Variants in KIAA0319L observed in about 807,000 individuals in gnomAD.
KIAA0319L encodes dyslexia-associated protein KIAA0319-like protein.
Under a neutral mutation model 120.1 loss-of-function variants are expected in KIAA0319L, and 55 were observed. That is an observed-to-expected ratio of 0.46 (90% CI 0.37 to 0.57). The LOEUF is 0.57. KIAA0319L is among the 20% of genes least tolerant of loss of function. The pLI, the probability that KIAA0319L is intolerant of heterozygous loss-of-function variation, is 0.00. For synonymous variants in KIAA0319L, 398 were observed against 471.9 expected, an observed-to-expected ratio of 0.84 and a Z score of 2.03; for missense variants, 1,049 against 1,255.3, an observed-to-expected ratio of 0.84 and a Z score of 2.48.
At chr1:35,534,137 C>T (rs1241217168) in intron 2 of KIAA0319L, among the ~76,000 whole-genome samples, 1 of 152,168 alleles carries the variant, frequency 6.6e-6, no homozygotes, top group Non-Finnish European at 1.5e-5. Context: ...ACAAAGCAGT[C>T]CTTTGAAAAT....
chr1:35,526,408 T>C (rs201394197), intron 2 of KIAA0319L, among the ~76,000 whole-genome samples: 90 of 136,802 alleles, frequency 6.6e-4, no homozygotes, highest in South Asian at 2.9e-3. Flanking sequence ...TATATATATA[T>C]ATACACACAT....
chr1:35,463,953 TG>T (rs1232979837), intron 7 of KIAA0319L, among the ~76,000 whole-genome samples: 1 of 152,178 alleles, frequency 6.6e-6, no homozygotes, highest in African/African-American at 2.4e-5. Context: ...CTGCCATCCA[TG>T]TAAGACATGA....
In KIAA0319L at chr1:35,480,230, G is replaced by A. The variant is rs200132203; in HGVS notation, c.667-1018C>T. Among the ~76,000 whole-genome samples the A allele has an allele frequency of 5.3e-5, 8 of 152,228 alleles. No individual in the cohort carries two copies. In the East Asian group the frequency reaches 1.4e-3, roughly 26 times the overall value. Reference sequence around the variant, plus strand: ...AAAGTGAGAGGCAAAAGTAATAGAAGATGAGCTGGAAAGATAGAGGCAAAG... The same window carrying A: ...AAAGTGAGAGGCAAAAGTAATAGAAAATGAGCTGGAAAGATAGAGGCAAAG... On this transcript the variant is annotated intron_variant, in intron 3 of 20. Transcript: ENST00000325722.
chr1:35,469,057 C>T (rs1643453732), intron 6 of KIAA0319L, among the ~76,000 whole-genome samples: 1 of 152,184 alleles, frequency 6.6e-6, no homozygotes. Context: ...GAGACACAGT[C>T]TCACTTTGTT....
At chr1:35,557,506 C>A (rs995432200), upstream of KIAA0319L, 6 of 361,956 alleles carry the variant, frequency 1.7e-5, no homozygotes, top group Non-Finnish European at 3.3e-5. Context: ...GGCCGCGAGA[C>A]CAAGGGGGAG....
At chr1:35,538,890 C>A (rs1410499802) in intron 2 of KIAA0319L, among the ~76,000 whole-genome samples, 1 of 151,690 alleles carries the variant, frequency 6.6e-6, no homozygotes, top group African/African-American at 2.4e-5. Flanking sequence ...AAAATATGGG[C>A]AAATTGGTCA....
At chr1:35,493,342 C>T (rs1342968999) in intron 3 of KIAA0319L, among the ~76,000 whole-genome samples, 1 of 151,844 alleles carries the variant, frequency 6.6e-6, no homozygotes, top group Non-Finnish European at 1.5e-5. Flanking sequence ...TGTACGTACC[C>T]ACTAAACATT....
At chr1:35,473,652 G>T (rs1002852101) in intron 5 of KIAA0319L, among the ~76,000 whole-genome samples, 6 of 152,196 alleles carry the variant, frequency 3.9e-5, no homozygotes, top group East Asian at 3.8e-4. Flanking sequence ...AATGTGAAAT[G>T]AATTGATAAG....
chr1:35,523,014 TAA>T (rs58518920), intron 2 of KIAA0319L, among the ~76,000 whole-genome samples: 61 of 62,468 alleles, frequency 9.8e-4, no homozygotes, highest in Admixed American at 1.1e-3. Flanking sequence ...AAACTCCACA[TAA>T]AAAAAAAAAA....
intron 3 of KIAA0319L, among the ~76,000 whole-genome samples, chr1:35,488,395 T>A (rs1644464956): frequency 6.6e-6 from 1 of 152,168 alleles, no homozygotes; most frequent in African/African-American, 2.4e-5. Flanking sequence ...ATGACACCCA[T>A]GTTTCTAGCC....
chr1:35,496,320 T>C (rs999935056), intron 3 of KIAA0319L, among the ~76,000 whole-genome samples: 2 of 152,158 alleles, frequency 1.3e-5, no homozygotes, highest in African/African-American at 4.8e-5. Context: ...CTCAGGAGAC[T>C]GAGGCAGGAG....
At chr1:35,446,164 G>A (rs1455386104) in intron 16 of KIAA0319L, among the ~76,000 whole-genome samples, 2 of 152,128 alleles carry the variant, frequency 1.3e-5, no homozygotes, top group Non-Finnish European at 2.9e-5. Context: ...GGCTTGGGCA[G>A]TGTTATGTTC....
At chr1:35,479,283 A>T (rs2149141261) in intron 3 of KIAA0319L, 71 bp from the exon 4 acceptor site, 1 of 1,273,294 alleles carries the variant, frequency 7.9e-7, no homozygotes, top group African/African-American at 1.5e-5. Context: ...CTCATGAAAC[A>T]ATAGTCTATT....
At chr1:35,517,199 G>A (rs1263843564) in intron 2 of KIAA0319L, among the ~76,000 whole-genome samples, 6 of 151,620 alleles carry the variant, frequency 4.0e-5, no homozygotes, top group African/African-American at 1.5e-4. Flanking sequence ...CACAGAACTA[G>A]AAAAAAAACT....
chr1:35,542,536 T>C (rs895122204), intron 2 of KIAA0319L, among the ~76,000 whole-genome samples: 1 of 152,172 alleles, frequency 6.6e-6, no homozygotes, highest in African/African-American at 2.4e-5. Context: ...AGGAAAGCTG[T>C]TGGAAGAAGG....
intron 4 of KIAA0319L, among the ~76,000 whole-genome samples, chr1:35,477,484 G>T (rs984982480): frequency 8.6e-5 from 13 of 152,016 alleles, no homozygotes; most frequent in Admixed American, 8.5e-4. Flanking sequence ...TGGCTAACAC[G>T]GTGAAACCGC....
chr1:35,556,657 T>G (rs748841357), intron 1 of KIAA0319L: 1 of 152,252 alleles, frequency 6.6e-6, no homozygotes, highest in Non-Finnish European at 1.5e-5. Flanking sequence ...ACAACCACTA[T>G]GAGACCAGAA....
intron 2 of KIAA0319L, among the ~76,000 whole-genome samples, chr1:35,547,730 G>C (rs570871951): frequency 7.2e-5 from 11 of 152,308 alleles, no homozygotes; most frequent in African/African-American, 2.6e-4. Context: ...CTAGTAGCTG[G>C]GGGAGGAGAG....
intron 2 of KIAA0319L, among the ~76,000 whole-genome samples, chr1:35,547,335 C>T (rs923837280): frequency 2.7e-5 from 4 of 149,066 alleles, no homozygotes; most frequent in Admixed American, 6.7e-5. Context: ...TATATATATA[C>T]ACATGATCCA....
Sources: gnomAD v4.1 joint callset for allele counts (sites outside exome capture counted in the v4.1 genomes callset) on GRCh38, gnomAD v4.1.1 for gene constraint, MANE v1.5 for transcripts, NCBI Gene and HGNC (gene_info 2026-07-23, HGNC 2026-07-21) for gene names.